Variants in TRAP1 observed in about 807,000 individuals in gnomAD.
TRAP1 encodes TNF receptor associated protein 1, also known as heat shock protein 75 kDa, mitochondrial.
TRAP1 carries 102 observed loss-of-function variants against 89.1 expected under a neutral mutation model. The observed-to-expected ratio is 1.15, with a 90% CI of 0.98 to 1.35. The LOEUF is 1.35. Among genes scored for constraint, TRAP1 ranks in the 40% most tolerant of loss-of-function variants. The pLI, the probability that TRAP1 is intolerant of heterozygous loss-of-function variation, is 0.00. For synonymous variants in TRAP1, 508 were observed against 388.0 expected, an observed-to-expected ratio of 1.31 and a Z score of -3.64; for missense variants, 1,256 against 945.3, an observed-to-expected ratio of 1.33 and a Z score of -4.31.
At chr16:3,667,550 G>A (rs1225996446) in intron 11 of TRAP1, among the ~76,000 whole-genome samples, 4 of 151,188 alleles carry the variant, frequency 2.6e-5, no homozygotes, top group Non-Finnish European at 5.9e-5. Flanking sequence ...GCTTGAATCC[G>A]GGAGGCAGAG....
chr16:3,711,552 T>A (rs1328792619), intron 1 of TRAP1, among the ~76,000 whole-genome samples: 1 of 151,856 alleles, frequency 6.6e-6, no homozygotes, highest in Non-Finnish European at 1.5e-5. Flanking sequence ...TGAGCCGAGT[T>A]CGTGCCACTG....
intron 10 of TRAP1, among the ~76,000 whole-genome samples, chr16:3,672,001 C>T (rs1428226719): frequency 5.9e-5 from 9 of 152,220 alleles, no homozygotes; most frequent in Non-Finnish European, 1.2e-4. Context: ...GGGACAGCCT[C>T]GGGGTAACAC....
At chr16:3,702,813 T>C (rs2051385079) in intron 1 of TRAP1, among the ~76,000 whole-genome samples, 2 of 151,420 alleles carry the variant, frequency 1.3e-5, no homozygotes, top group Admixed American at 1.3e-4. Context: ...GAGGCTGTGG[T>C]AGGCGGATCA....
intron 3 of TRAP1, among the ~76,000 whole-genome samples, chr16:3,688,585 T>A (rs1480197733): frequency 6.6e-6 from 1 of 152,042 alleles, no homozygotes; most frequent in Non-Finnish European, 1.5e-5. Flanking sequence ...CAGGCTCAAG[T>A]CATCCTCCCA....
At chr16:3,674,629 G>A (rs990637428) in intron 8 of TRAP1, 135 bp from the exon 9 acceptor site, 2 of 1,095,932 alleles carry the variant, frequency 1.8e-6, no homozygotes, top group East Asian at 5.2e-5. Flanking sequence ...CTCAGGCGTA[G>A]ACCCCTCTCC....
At chr16:3,716,274 T>C (rs1226340386) in intron 1 of TRAP1, among the ~76,000 whole-genome samples, 1 of 152,248 alleles carries the variant, frequency 6.6e-6, no homozygotes, top group Non-Finnish European at 1.5e-5. Context: ...TAAGGCCTTT[T>C]TGGACAATTT....
At chr16:3,702,128 G>T (rs553472895) in intron 1 of TRAP1, among the ~76,000 whole-genome samples, 2 of 149,428 alleles carry the variant, frequency 1.3e-5, no homozygotes, top group Non-Finnish European at 2.9e-5. Flanking sequence ...ATCTCGGGCG[G>T]GGGAAAATAT....
chr16:3,674,833 C>T (rs1440951120), intron 8 of TRAP1: 1 of 375,394 alleles, frequency 2.7e-6, no homozygotes, highest in Non-Finnish European at 5.0e-6. Context: ...CCACGCTGCA[C>T]CGCAGCTGAG....
At chr16:3,670,579 T>C (rs1381430696) in intron 11 of TRAP1, among the ~76,000 whole-genome samples, 1 of 151,526 alleles carries the variant, frequency 6.6e-6, no homozygotes, top group Non-Finnish European at 1.5e-5. Flanking sequence ...TAGCTCACAC[T>C]TGTAGTCCCA....
At position 3,679,729 on chromosome 16, in the gene TRAP1, G is replaced by T; in HGVS notation, c.533C>A (p.Ser178Ter). 3.1e-6 allele frequency: 5 copies of T among 1,614,084 alleles called. 1 individual carries two copies. Among genetic ancestry groups the T allele is most frequent in the Non-Finnish European group, 4.2e-6 (5 of 1,180,002 alleles). The change falls in exon 5 of 18, where the codon TCG becomes TAG. Residue 178 changes from serine (S) to a stop codon, truncating the protein, a stop_gained. Coordinates refer to ENST00000246957, the MANE Select transcript of TRAP1 (RefSeq NM_016292.3). LOFTEE classifies it high-confidence loss of function. ...GGGCCCCACGCTTACCTTTGACCCC[G>T]ATCTGGCAATCGTCCCCAGGTTGGA... Reference protein sequence around the residue: ...LVSNLGTIARSGSKAFLDALQ... With the variant: ...LVSNLGTIAR
intron 16 of TRAP1, 151 bp downstream of exon 16, chr16:3,661,836 C>A: frequency 9.8e-7 from 1 of 1,023,214 alleles, no homozygotes. Flanking sequence ...CACATGGGTG[C>A]AGCCTAAACT....
intron 1 of TRAP1, among the ~76,000 whole-genome samples, chr16:3,709,129 T>C (rs1292781340): frequency 6.7e-6 from 1 of 149,298 alleles, no homozygotes; most frequent in Admixed American, 6.7e-5. Flanking sequence ...ACTGTCTCAA[T>C]TTTTAAAAGT....
chr16:3,708,956 C>A (rs975297377), intron 1 of TRAP1, among the ~76,000 whole-genome samples: 1 of 151,616 alleles, frequency 6.6e-6, no homozygotes, highest in Non-Finnish European at 1.5e-5. Context: ...GCTGGGACTA[C>A]AGGCGCCCGC....
At chr16:3,700,680 G>T (rs111381643) in intron 1 of TRAP1, among the ~76,000 whole-genome samples, 4 of 152,012 alleles carry the variant, frequency 2.6e-5, no homozygotes, top group African/African-American at 9.6e-5. Flanking sequence ...TGCCCAGGCT[G>T]GTCTCAAACT....
chr16:3,703,043 G>GGAA lies in TRAP1; in HGVS notation c.89-12059_89-12058insTTC, dbSNP rs564433883. On this transcript the variant is annotated intron_variant, in intron 1 of 17. Coordinates refer to ENST00000246957, the MANE Select transcript of TRAP1 (RefSeq NM_016292.3). Reference sequence around the variant, plus strand: ...GAGAACAAGAGTGAAACTCCGTCTTGAAAAAAAAAAAAAAAAAAAAAAAGC... The same window carrying GGAA: ...GAGAACAAGAGTGAAACTCCGTCTTGGAAAAAAAAAAAAAAAAAAAAAAAAAGC... 7.7e-3 allele frequency among the ~76,000 whole-genome samples: 334 copies of GGAA among 43,386 alleles called. 7 individuals carry two copies. Among genetic ancestry groups the GGAA allele is most frequent in the South Asian group, 0.011 (13 of 1,144 alleles). The allele number at this position is 43,386 out of a possible 152,430, so 28.5% of individuals were successfully genotyped here.
intron 11 of TRAP1, 134 bp downstream of exon 11, chr16:3,671,588 C>T (rs2050913298): frequency 1.1e-6 from 1 of 884,276 alleles, no homozygotes; most frequent in South Asian, 1.5e-5. Flanking sequence ...CTGAGGGCCC[C>T]CATGTGCAGG....
At chr16:3,705,350 T>A (rs1185613568) in intron 1 of TRAP1, among the ~76,000 whole-genome samples, 2 of 152,130 alleles carry the variant, frequency 1.3e-5, no homozygotes, top group Non-Finnish European at 2.9e-5. Flanking sequence ...ATTACAGGCA[T>A]GAGCCACCAT....
At chr16:3,683,560 A>G (rs536989162) in intron 4 of TRAP1, among the ~76,000 whole-genome samples, 1 of 151,586 alleles carries the variant, frequency 6.6e-6, no homozygotes, top group Non-Finnish European at 1.5e-5. Flanking sequence ...TAATTTTTGT[A>G]TTTTTATTAG....
intron 2 of TRAP1, among the ~76,000 whole-genome samples, chr16:3,690,441 G>T (rs750214617): frequency 1.3e-5 from 2 of 152,196 alleles, no homozygotes; most frequent in Non-Finnish European, 2.9e-5. Context: ...GCCACTTCAG[G>T]ACTGGCTCCA....
Sources: gnomAD v4.1 joint callset for allele counts (sites outside exome capture counted in the v4.1 genomes callset) on GRCh38, gnomAD v4.1.1 for gene constraint, MANE v1.5 for transcripts, NCBI Gene and HGNC (gene_info 2026-07-23, HGNC 2026-07-21) for gene names.